The following PHF2 variants were observed in gnomAD, a reference collection of about 807,000 sequenced individuals.
PHF2 encodes the protein lysine-specific demethylase PHF2.
PHF2 carries 27 observed loss-of-function variants against 120.5 expected under a neutral mutation model. The observed-to-expected ratio is 0.22, with a 90% CI of 0.17 to 0.31. The LOEUF (loss-of-function observed/expected upper bound fraction) is 0.31. Ranked by LOEUF, PHF2 falls within the 10% of genes least tolerant of loss-of-function variation. The probability of loss-of-function intolerance (pLI) is 1.00; values close to 1 mark genes in which losing one functional copy is unlikely to be tolerated. For missense variants in PHF2, 1,024 were observed against 1,434.8 expected (o/e 0.71, Z 4.63); for synonymous variants, 568 against 592.5 (o/e 0.96, Z 0.60).
chr9:93,599,653 G>T (rs990206110), intron 1 of PHF2, among the ~76,000 whole-genome samples: 10 of 152,252 alleles, frequency 6.6e-5, no homozygotes, highest in African/African-American at 2.4e-4. Context: ...GGTTACCTGT[G>T]AGTTTCACCT....
intron 1 of PHF2, among the ~76,000 whole-genome samples, chr9:93,606,586 A>G (rs1825547231): frequency 6.6e-6 from 1 of 152,210 alleles, no homozygotes; most frequent in Non-Finnish European, 1.5e-5. Context: ...TTCTTTGCAT[A>G]CTTTGGATAA....
chr9:93,649,782 C>T (rs1474257141), intron 5 of PHF2, among the ~76,000 whole-genome samples: 1 of 152,158 alleles, frequency 6.6e-6, no homozygotes, highest in Non-Finnish European at 1.5e-5. Context: ...ATGACATGCT[C>T]ACCCATAGAT....
intron 1 of PHF2, among the ~76,000 whole-genome samples, chr9:93,585,200 G>T (rs1447768115): frequency 1.3e-5 from 2 of 152,344 alleles, no homozygotes; most frequent in South Asian, 2.1e-4. Context: ...GCGAAGGAGG[G>T]TCTTCTTTTT....
intron 1 of PHF2, among the ~76,000 whole-genome samples, chr9:93,597,570 A>G (rs1050641513): frequency 1.3e-5 from 2 of 152,076 alleles, no homozygotes; most frequent in Non-Finnish European, 2.9e-5. Context: ...GCAGTGGGAC[A>G]TTGGTCCACA....
chr9:93,620,935 G>C (rs937134568), intron 1 of PHF2, among the ~76,000 whole-genome samples: 1 of 152,246 alleles, frequency 6.6e-6, no homozygotes, highest in Non-Finnish European at 1.5e-5. Flanking sequence ...CCCTAATGGA[G>C]CTCACTGTGC....
intron 1 of PHF2, among the ~76,000 whole-genome samples, chr9:93,601,973 A>G (rs1239030190): frequency 6.6e-6 from 1 of 151,762 alleles, no homozygotes; most frequent in African/African-American, 2.4e-5. Context: ...CCTTTTGTCA[A>G]TTCCACACCA....
chr9:93,675,054 T>C, intron 19 of PHF2, 32 bp downstream of exon 19: 1 of 1,520,374 alleles, frequency 6.6e-7, no homozygotes, highest in Non-Finnish European at 9.1e-7. Flanking sequence ...GGGGTCCACC[T>C]GACACCCAGT....
chr9:93,593,694 C>G (rs528617763), intron 1 of PHF2, among the ~76,000 whole-genome samples: 1 of 152,192 alleles, frequency 6.6e-6, no homozygotes, highest in African/African-American at 2.4e-5. Flanking sequence ...ATGACAGTGT[C>G]CTCTTGTAAA....
chr9:93,586,811 A>T (rs1489940501), intron 1 of PHF2, among the ~76,000 whole-genome samples: 1 of 152,192 alleles, frequency 6.6e-6, no homozygotes, highest in Non-Finnish European at 1.5e-5. Context: ...AGCAGTGAGG[A>T]AGACTGCACG....
At chr9:93,580,009 C>T (rs1862903985) in intron 1 of PHF2, among the ~76,000 whole-genome samples, 1 of 152,224 alleles carries the variant, frequency 6.6e-6, no homozygotes, top group African/African-American at 2.4e-5. Flanking sequence ...TCGTTGTGTT[C>T]TATCCTTGGG....
intron 1 of PHF2, among the ~76,000 whole-genome samples, chr9:93,627,508 T>TTTTTTTTTTTTTTTTTTTTTTG (rs1825933862): frequency 8.1e-5 from 11 of 136,144 alleles, no homozygotes; most frequent in African/African-American, 2.9e-4. Flanking sequence ...TTTTTTTTTT[T>TTTTTTTTTTTTTTTTTTTTTTG]GTCTAATTGC....
At chr9:93,620,784 T>C (rs867845977) in intron 1 of PHF2, among the ~76,000 whole-genome samples, 1 of 152,256 alleles carries the variant, frequency 6.6e-6, no homozygotes, top group African/African-American at 2.4e-5. Context: ...CATTTTTCTG[T>C]AGTTATTATT....
At chr9:93,665,215 G>A (rs1454432604) in intron 14 of PHF2, among the ~76,000 whole-genome samples, 1 of 152,214 alleles carries the variant, frequency 6.6e-6, no homozygotes, top group Non-Finnish European at 1.5e-5. Flanking sequence ...GGAAACTTGG[G>A]TCCTTTTCCG....
chr9:93,615,204 G>A lies in PHF2; in HGVS notation c.99-14766G>A, dbSNP rs368659394. Among the ~76,000 whole-genome samples, 802 of 148,834 alleles carry A rather than the reference G, an allele frequency of 5.4e-3. 13 individuals are homozygous for A. The highest frequency in any genetic ancestry group is 0.019 in the African/African-American group (745 of 40,202). Reference sequence around the variant, plus strand: ...TGGTGATGGCGATGGTGATGATGATGGTGATGGTGATGGTGATAGTAATGG... The same window carrying A: ...TGGTGATGGCGATGGTGATGATGATAGTGATGGTGATGGTGATAGTAATGG... On this transcript the variant is annotated intron_variant, in intron 1 of 21. Coordinates refer to ENST00000359246, the MANE Select transcript of PHF2 (RefSeq NM_005392.4).
Position 93,653,867 on chromosome 9 carries a change from T to G in PHF2, c.789+502T>G, listed in dbSNP as rs191720387. On this transcript the variant is annotated intron_variant, in intron 6 of 21. Coordinates refer to ENST00000359246, the MANE Select transcript of PHF2 (RefSeq NM_005392.4). ...GGCTCCCCCAGCTGCTAACTGAGCT[T>G]CTTCAGACCAGCTGGACCTGGATCT... 1.1e-3 allele frequency among the ~76,000 whole-genome samples: 170 copies of G among 152,244 alleles called. 1 individual carries two copies. The highest frequency in any genetic ancestry group is 3.8e-3 in the African/African-American group (158 of 41,540).
At chr9:93,611,702 A>G (rs1427378906) in intron 1 of PHF2, among the ~76,000 whole-genome samples, 1 of 151,590 alleles carries the variant, frequency 6.6e-6, no homozygotes, top group Non-Finnish European at 1.5e-5. Flanking sequence ...TTTTGTGGAG[A>G]TGGGGTCTTG....
At position 93,676,981 on chromosome 9, in the gene PHF2, G is replaced by A. The variant is rs1363733640; in HGVS notation, c.3202+18G>A. ...TGCCAAAGGTACTGTGCCTGCTGGA[G>A]GGAGCCTGCAGCCCCCCTGCCCTGC... On this transcript the variant is annotated intron_variant, in intron 21 of 21. Transcript: ENST00000359246. 6.6e-7 allele frequency: 1 copy of A among 1,512,264 alleles called. No homozygotes were observed. The highest frequency in any genetic ancestry group is 1.4e-5 in the African/African-American group (1 of 72,924). 93.7% of individuals were successfully genotyped at this position (1,512,264 alleles called of 1,614,324 possible).
chr9:93,674,501 C>T (rs1290488525), intron 18 of PHF2, among the ~76,000 whole-genome samples: 1 of 152,132 alleles, frequency 6.6e-6, no homozygotes, highest in African/African-American at 2.4e-5. Flanking sequence ...ACTGAGATGC[C>T]CTAGTTTGAT....
At chr9:93,636,775 C>T (rs899425866) in intron 3 of PHF2, among the ~76,000 whole-genome samples, 6 of 152,206 alleles carry the variant, frequency 3.9e-5, no homozygotes, top group African/African-American at 1.4e-4. Flanking sequence ...GGTGACCTTT[C>T]TCCCGCTGGG....
Sources: allele counts gnomAD v4.1 joint callset (sites outside exome capture counted in the v4.1 genomes callset), GRCh38; gene constraint gnomAD v4.1.1; transcripts MANE v1.5; gene names NCBI Gene and HGNC (gene_info 2026-07-23, HGNC 2026-07-21).